The following ATP9B variants were observed in gnomAD, a reference collection of about 807,000 sequenced individuals.
ATP9B encodes the protein ATPase phospholipid transporting 9B.
ATP9B carries 110 observed loss-of-function variants against 146.1 expected under a neutral mutation model. The observed-to-expected ratio is 0.75, with a 90% CI of 0.65 to 0.88. The LOEUF (loss-of-function observed/expected upper bound fraction) is 0.88. Among genes scored for constraint, ATP9B ranks in the 40% least tolerant of loss-of-function variants. ATP9B has a pLI of 0.00. For synonymous variants in ATP9B, 604 were observed against 569.7 expected (o/e 1.06, Z -0.86); for missense variants, 1,499 against 1,496.4 (o/e 1.00, Z -0.03).
intron 17 of ATP9B, among the ~76,000 whole-genome samples, chr18:79,335,682 GC>G (rs1349470479): frequency 6.6e-6 from 1 of 152,146 alleles, no homozygotes. Flanking sequence ...CTGCACTCCT[GC>G]CCTCCCCTCC....
chr18:79,157,405 A>AAAAAAAAAAAAAAAAC (rs2094806472), intron 7 of ATP9B, among the ~76,000 whole-genome samples: 2 of 124,598 alleles, frequency 1.6e-5, no homozygotes, highest in East Asian at 3.2e-4. Context: ...TCAAAAAAAA[A>AAAAAAAAAAAAAAAAC]AAAAAAAAAA....
chr18:79,159,302 A>G (rs2094842146), intron 7 of ATP9B, among the ~76,000 whole-genome samples: 1 of 152,160 alleles, frequency 6.6e-6, no homozygotes, highest in African/African-American at 2.4e-5. Flanking sequence ...GCTAATTATT[A>G]TTATTCTCCC....
At chr18:79,234,404 A>G (rs1182708317) in intron 11 of ATP9B, among the ~76,000 whole-genome samples, 1 of 152,202 alleles carries the variant, frequency 6.6e-6, no homozygotes, top group African/African-American at 2.4e-5. Context: ...CTGCACACAC[A>G]TTTACACCCG....
intron 26 of ATP9B, chr18:79,372,539 C>T: frequency 1.7e-6 from 1 of 584,134 alleles, no homozygotes; most frequent in East Asian, 3.9e-5. Context: ...TGCTTGTATA[C>T]ATCACTCCTG....
intron 13 of ATP9B, among the ~76,000 whole-genome samples, chr18:79,291,165 G>A (rs879696082): frequency 3.9e-5 from 6 of 152,046 alleles, no homozygotes; most frequent in Admixed American, 6.5e-5. Flanking sequence ...TTAAAGAGCT[G>A]CAGCTTTTTT....
At chr18:79,134,304 G>T (rs1457785440) in intron 5 of ATP9B, among the ~76,000 whole-genome samples, 1 of 152,152 alleles carries the variant, frequency 6.6e-6, no homozygotes, top group Non-Finnish European at 1.5e-5. Context: ...ATCTTAGAGA[G>T]TTCTGCCTCG....
Position 79,307,144 on chromosome 18 carries a change from G to T in ATP9B, c.1683G>T (p.Arg561=). ...ACGTGACCCCCGTGTATGAGTCTCGGGCCGGCGTTACTGAGGAGACTGAGT... is the reference window on the plus strand; with the variant it reads ...ACGTGACCCCCGTGTATGAGTCTCGTGCCGGCGTTACTGAGGAGACTGAGT... ...CHNVTPVYES[R]AGVTEETEFA... is the part of the protein sequence containing the mutation. Residue 561 remains arginine, a synonymous_variant, in exon 15 of 30, where the codon CGG becomes CGT. Transcript: ENST00000426216. The T allele has an allele frequency of 6.2e-7, 1 of 1,614,204 alleles. No homozygotes were observed. Among genetic ancestry groups the T allele is most frequent in the Non-Finnish European group, 8.5e-7 (1 of 1,180,044 alleles).
At chr18:79,238,974 G>C (rs1271596699) in intron 11 of ATP9B, among the ~76,000 whole-genome samples, 1 of 152,220 alleles carries the variant, frequency 6.6e-6, no homozygotes, top group Non-Finnish European at 1.5e-5. Flanking sequence ...ACGTCAGTAA[G>C]AACGAGAAGA....
At chr18:79,187,524 C>T (rs904825350) in intron 8 of ATP9B, among the ~76,000 whole-genome samples, 1 of 152,210 alleles carries the variant, frequency 6.6e-6, no homozygotes, top group Non-Finnish European at 1.5e-5. Flanking sequence ...GAACCACCTA[C>T]ACATCTACAG....
chr18:79,157,868 C>G (rs1033105856), intron 7 of ATP9B, among the ~76,000 whole-genome samples: 3 of 152,096 alleles, frequency 2.0e-5, no homozygotes, highest in African/African-American at 7.2e-5. Context: ...TCCTTTGTTC[C>G]TGATTTTAGT....
chr18:79,075,113 G>T (rs1404784975), intron 1 of ATP9B, among the ~76,000 whole-genome samples: 1 of 146,886 alleles, frequency 6.8e-6, no homozygotes, highest in Non-Finnish European at 1.5e-5. Context: ...GTCTCACTCT[G>T]TCCCCCAGGC....
chr18:79,118,384 G>GTTTTTTTTTTTTTTTTTTTTTTTTTTTT (rs1304879263), intron 4 of ATP9B, among the ~76,000 whole-genome samples: 1 of 73,490 alleles, frequency 1.4e-5, no homozygotes, highest in African/African-American at 5.4e-5. Context: ...CATATTGAAC[G>GTTTTTTTTTTTTTTTTTTTTTTTTTTTT]TTTTTGTTTT....
chr18:79,286,292 A>C (rs1010166195), intron 13 of ATP9B, among the ~76,000 whole-genome samples: 199 of 151,916 alleles, frequency 1.3e-3, no homozygotes, highest in Non-Finnish European at 2.0e-3. Context: ...CTTTTATTTC[A>C]TTGAGCAGTG....
intron 25 of ATP9B, among the ~76,000 whole-genome samples, chr18:79,349,323 A>T (rs2096909340): frequency 6.7e-6 from 1 of 148,652 alleles, no homozygotes; most frequent in Non-Finnish European, 1.5e-5. Context: ...ACTGGCTTCG[A>T]TGCTCTTGGC....
intron 8 of ATP9B, among the ~76,000 whole-genome samples, chr18:79,187,635 C>A (rs572725954): frequency 3.3e-5 from 5 of 152,266 alleles, no homozygotes; most frequent in African/African-American, 1.2e-4. Context: ...TCTGATTCCC[C>A]CTGTGCTGCT....
At chr18:79,149,476 GAA>G (rs143130419) in intron 6 of ATP9B, among the ~76,000 whole-genome samples, 4,796 of 148,212 alleles carry the variant, frequency 0.032, 113 homozygotes, top group Non-Finnish European at 0.042. Context: ...AAAACTTTTA[GAA>G]AAAAAAAATA....
chr18:79,197,132 C>G (rs2148198507), intron 9 of ATP9B, among the ~76,000 whole-genome samples: 1 of 152,216 alleles, frequency 6.6e-6, no homozygotes, highest in South Asian at 2.1e-4. Context: ...ACAATATTCT[C>G]TGATCACAAT....
chr18:79,091,181 A>G (rs564509804), intron 1 of ATP9B, among the ~76,000 whole-genome samples: 16 of 152,288 alleles, frequency 1.1e-4, no homozygotes, highest in African/African-American at 3.8e-4. Flanking sequence ...TTTGGTTACT[A>G]TAGCTCTGCA....
At chr18:79,375,500 T>A in intron 29 of ATP9B, 74 bp downstream of exon 29, 1 of 1,565,804 alleles carries the variant, frequency 6.4e-7, no homozygotes, top group South Asian at 1.1e-5. Flanking sequence ...ACTTAACTAA[T>A]AAGAAAAACA....
Sources: gnomAD v4.1 joint callset for allele counts (sites outside exome capture counted in the v4.1 genomes callset) on GRCh38, gnomAD v4.1.1 for gene constraint, MANE v1.5 for transcripts, NCBI Gene and HGNC (gene_info 2026-07-23, HGNC 2026-07-21) for gene names.